TEAD1: variants seen among roughly 807,000 people sequenced by gnomAD.
The protein encoded by TEAD1 is TEA domain transcription factor 1, also known as transcriptional enhancer factor TEF-1.
A neutral mutation model predicts 54.9 loss-of-function variants in TEAD1; 9 were observed. That is an observed-to-expected ratio of 0.16 (90% CI 0.10 to 0.29). TEAD1 has a LOEUF of 0.29. Ranked by LOEUF, TEAD1 falls within the 10% of genes least tolerant of loss-of-function variation. TEAD1 has a pLI of 1.00. For missense variants in TEAD1, 387 were observed against 535.9 expected, an observed-to-expected ratio of 0.72 and a Z score of 2.74; for synonymous variants, 200 against 187.8, an observed-to-expected ratio of 1.07 and a Z score of -0.53.
At chr11:12,735,693 C>G (rs971666805) in intron 2 of TEAD1, among the ~76,000 whole-genome samples, 6 of 151,994 alleles carry the variant, frequency 3.9e-5, no homozygotes, top group Non-Finnish European at 8.8e-5. Context: ...CTGGTCCCAC[C>G]ACCACTCTGC....
At chr11:12,795,484 T>G (rs2133967527) in intron 3 of TEAD1, among the ~76,000 whole-genome samples, 1 of 152,314 alleles carries the variant, frequency 6.6e-6, no homozygotes, top group East Asian at 1.9e-4. Flanking sequence ...GATCAGTAAT[T>G]TGGGTATGGT....
intron 3 of TEAD1, among the ~76,000 whole-genome samples, chr11:12,771,291 A>AT (rs1045877141): frequency 1.3e-5 from 2 of 152,078 alleles, no homozygotes; most frequent in African/African-American, 4.8e-5. Flanking sequence ...AAGCCATTAC[A>AT]TTTTTTTCAG....
intron 3 of TEAD1, among the ~76,000 whole-genome samples, chr11:12,766,776 TC>T (rs1288456906): frequency 2.0e-5 from 3 of 152,204 alleles, no homozygotes; most frequent in Non-Finnish European, 4.4e-5. Context: ...AATGGGACAG[TC>T]CTTTTGAGCA....
At chr11:12,709,923 A>T (rs543372358) in intron 2 of TEAD1, among the ~76,000 whole-genome samples, 1 of 152,100 alleles carries the variant, frequency 6.6e-6, no homozygotes, top group African/African-American at 2.4e-5. Context: ...TTCATTTTTT[A>T]AAAGGGACTC....
At chr11:12,773,246 CT>C (rs1296504468) in intron 3 of TEAD1, among the ~76,000 whole-genome samples, 2 of 152,340 alleles carry the variant, frequency 1.3e-5, no homozygotes, top group African/African-American at 4.8e-5. Flanking sequence ...ACGTATAGGT[CT>C]TTGTATGAAA....
In TEAD1 at chr11:12,852,965, C is replaced by T. The variant is rs531735139; in HGVS notation, c.203-9285C>T. Among the ~76,000 whole-genome samples the T allele has an allele frequency of 4.6e-5, 7 of 152,302 alleles. No individual in the cohort carries two copies. The South Asian group carries it at 1.0e-3, about 23-fold the overall frequency. On this transcript the variant is annotated intron_variant, in intron 3 of 12. Transcript: ENST00000527636. Reference sequence around the variant, plus strand: ...TTAAGAGTCAAGCCATCATTCCCCTCATATACTAAGTGACTTGTTTTTAAT... The same window carrying T: ...TTAAGAGTCAAGCCATCATTCCCCTTATATACTAAGTGACTTGTTTTTAAT...
chr11:12,827,269 T>C (rs1946676452), intron 3 of TEAD1, among the ~76,000 whole-genome samples: 1 of 152,228 alleles, frequency 6.6e-6, no homozygotes, highest in Admixed American at 6.5e-5. Context: ...CTGTACCTTT[T>C]AATTCTCTGC....
chr11:12,875,975 T>C (rs775288180), intron 5 of TEAD1, among the ~76,000 whole-genome samples: 29 of 152,354 alleles, frequency 1.9e-4, no homozygotes, highest in Admixed American at 7.2e-4. Flanking sequence ...AATGACTTGA[T>C]CCACATAATG....
chr11:12,887,297 G>T (rs888094280), intron 9 of TEAD1, among the ~76,000 whole-genome samples: 2 of 151,974 alleles, frequency 1.3e-5, no homozygotes, highest in Non-Finnish European at 2.9e-5. Context: ...GGGTTTCACC[G>T]TGTTAGCCAA....
chr11:12,913,455 A>G (rs1239133599), intron 10 of TEAD1, among the ~76,000 whole-genome samples: 1 of 152,234 alleles, frequency 6.6e-6, no homozygotes, highest in Non-Finnish European at 1.5e-5. Flanking sequence ...ATACGTATAC[A>G]TATACATCAC....
chr11:12,691,255 T>A (rs1943452300), intron 2 of TEAD1, among the ~76,000 whole-genome samples: 1 of 152,238 alleles, frequency 6.6e-6, no homozygotes, highest in Non-Finnish European at 1.5e-5. Context: ...GGGAATTTCT[T>A]TAGTTGGCTC....
chr11:12,748,488 C>T (rs923478377), intron 2 of TEAD1, among the ~76,000 whole-genome samples: 8 of 152,146 alleles, frequency 5.3e-5, no homozygotes, highest in African/African-American at 1.7e-4. Context: ...CCAGGGGTCT[C>T]ATAATGCACT....
chr11:12,868,950 G>C (rs1947682572), intron 5 of TEAD1, among the ~76,000 whole-genome samples: 1 of 152,226 alleles, frequency 6.6e-6, no homozygotes, highest in African/African-American at 2.4e-5. Flanking sequence ...ATTCATTCTG[G>C]GAGTGAGGGA....
At chr11:12,830,092 G>T (rs895383329) in intron 3 of TEAD1, among the ~76,000 whole-genome samples, 1 of 152,106 alleles carries the variant, frequency 6.6e-6, no homozygotes, top group Admixed American at 6.5e-5. Flanking sequence ...TGGGGCTGTG[G>T]GAAAGCCCCC....
At chr11:12,892,350 A>T (rs1948213390) in intron 9 of TEAD1, among the ~76,000 whole-genome samples, 1 of 152,102 alleles carries the variant, frequency 6.6e-6, no homozygotes, top group Non-Finnish European at 1.5e-5. Flanking sequence ...GATAAAAAGC[A>T]AGGTTTCAGC....
Position 12,902,125 on chromosome 11 carries a change from A to G in TEAD1, c.873+12A>G. The G allele has an allele frequency of 6.2e-7, 1 of 1,614,224 alleles. No homozygotes were observed. The highest frequency in any genetic ancestry group is 8.5e-7 in the Non-Finnish European group (1 of 1,180,040). On this transcript the variant is annotated intron_variant, in intron 10 of 12. Transcript: ENST00000527636. ...TCGTAAAATTCTGGGTGAGTAAGAC[A>G]TTGCTGTGATTTCCGTGGTTTTTGT...
intron 3 of TEAD1, among the ~76,000 whole-genome samples, chr11:12,772,509 G>C (rs1247497803): frequency 6.6e-6 from 1 of 152,170 alleles, no homozygotes; most frequent in Non-Finnish European, 1.5e-5. Context: ...GAAAAGTAGA[G>C]CAAGCTTAGT....
chr11:12,906,555 A>AG (rs1479112399), intron 10 of TEAD1, among the ~76,000 whole-genome samples: 5 of 142,190 alleles, frequency 3.5e-5, no homozygotes, highest in East Asian at 2.3e-4. Flanking sequence ...AAAAAAAAAA[A>AG]AAAGAAAGAA....
At chr11:12,717,137 T>A (rs1319460630) in intron 2 of TEAD1, among the ~76,000 whole-genome samples, 1 of 152,244 alleles carries the variant, frequency 6.6e-6, no homozygotes, top group Non-Finnish European at 1.5e-5. Flanking sequence ...TGAATGTAGT[T>A]ATACTGATCA....
Sources: allele counts gnomAD v4.1 joint callset (sites outside exome capture counted in the v4.1 genomes callset), GRCh38; gene constraint gnomAD v4.1.1; transcripts MANE v1.5; gene names NCBI Gene and HGNC (gene_info 2026-07-23, HGNC 2026-07-21).